The following YARS1 variants were observed in gnomAD, a reference collection of about 807,000 sequenced individuals.
YARS1 encodes the protein tyrosine--tRNA ligase, cytoplasmic.
In YARS1, 36 loss-of-function variants were observed where a neutral mutation model predicts 62.2. The ratio of observed to expected loss-of-function variants is 0.58; its 90% CI spans 0.44 to 0.76. The LOEUF (loss-of-function observed/expected upper bound fraction) is 0.76. Among genes scored for constraint, YARS1 ranks in the 30% least tolerant of loss-of-function variants. YARS1 has a pLI of 0.00. For synonymous variants in YARS1, 234 were observed against 244.9 expected (o/e 0.96, Z 0.42); for missense variants, 524 against 639.8 (o/e 0.82, Z 1.95).
chr1:32,787,136 A>T (rs1016706652), intron 6 of YARS1, 61 bp from the exon 7 acceptor site: 61 of 1,603,968 alleles, frequency 3.8e-5, no homozygotes, highest in Non-Finnish European at 3.7e-5. Context: ...TGCTCAACTA[A>T]TATAAGTTAA....
intron 1 of YARS1, chr1:32,811,368 G>T: frequency 2.4e-6 from 1 of 415,052 alleles, no homozygotes; most frequent in Non-Finnish European, 4.5e-6. Flanking sequence ...ATCAAAGAAC[G>T]CAAATAACTG....
At position 32,775,961 on chromosome 1, in the gene YARS1, G is replaced by A. The variant is rs781560790; in HGVS notation, c.*20C>T. ...GCAGATGACTCAGTGGTGGAAGAAG[G>A]GGGGAAGATGCTGGGCTGGCTAGCT... On this transcript the variant is annotated 3_prime_UTR_variant, in exon 13 of 13. Coordinates refer to ENST00000373477, the MANE Select transcript of YARS1 (RefSeq NM_003680.4). 5.0e-6 allele frequency: 8 copies of A among 1,591,934 alleles called. No homozygotes were observed. Among genetic ancestry groups the A allele is most frequent in the South Asian group, 1.1e-5 (1 of 90,580 alleles).
chr1:32,817,299 G>T lies in YARS1; in HGVS notation c.-55C>A. ...GCCCGGCACCAGAGCCCCTTCCTGG[G>T]TCACCGTCGCCGCCGCGTGCCGGGA... is the stretch of plus-strand genomic sequence containing the variant. On this transcript the variant is annotated 5_prime_UTR_variant, in exon 1 of 13. Transcript: ENST00000373477. 1.2e-6 allele frequency: 2 copies of T among 1,606,188 alleles called. No individual in the cohort carries two copies. The highest frequency in any genetic ancestry group is 1.7e-6 in the Non-Finnish European group (2 of 1,175,136).
At chr1:32,794,088 G>A (rs989114003) in intron 5 of YARS1, among the ~76,000 whole-genome samples, 2 of 152,186 alleles carry the variant, frequency 1.3e-5, no homozygotes, top group Admixed American at 6.5e-5. Context: ...AGTGGCTTAC[G>A]CCTGTAATCC....
In YARS1 at chr1:32,791,132, T is replaced by C. The variant is rs781211000; in HGVS notation, c.684+30A>G. On this transcript the variant is annotated intron_variant, in intron 6 of 12. Transcript: ENST00000373477. ...AATCTCTCCATTGAGGCTGAAGATT[T>C]CTAAATTCAAGTCTCAGCTGGCAAC... 1.9e-6 allele frequency: 3 copies of C among 1,588,808 alleles called. No homozygotes were observed. The East Asian group carries it at 6.7e-5, about 36-fold the overall frequency.
At chr1:32,817,085 G>T in intron 1 of YARS1, 103 bp downstream of exon 1, 2 of 1,450,862 alleles carry the variant, frequency 1.4e-6, no homozygotes, top group Non-Finnish European at 1.9e-6. Flanking sequence ...CGCCAGCGCC[G>T]AGTCCCCGGC....
At chr1:32,778,241 A>T (rs1163627276) in intron 12 of YARS1, among the ~76,000 whole-genome samples, 2 of 152,220 alleles carry the variant, frequency 1.3e-5, no homozygotes, top group East Asian at 3.9e-4. Context: ...TGACAGCTAT[A>T]TTATGGAATC....
chr1:32,781,013 A>G lies in YARS1; in HGVS notation c.1140+35T>C, dbSNP rs545997618. On this transcript the variant is annotated intron_variant, in intron 10 of 12. Coordinates refer to ENST00000373477, the MANE Select transcript of YARS1 (RefSeq NM_003680.4). ...ATGGAAACAGACAAACCTGACCCCAATCTGCCTCTCTGAGATGTGGTGAAA... is the reference window on the plus strand; with the variant it reads ...ATGGAAACAGACAAACCTGACCCCAGTCTGCCTCTCTGAGATGTGGTGAAA... 63 of 1,600,848 alleles carry G rather than the reference A, an allele frequency of 3.9e-5. 1 individual carries two copies. In the South Asian group the frequency reaches 5.2e-4, roughly 13 times the overall value.
At chr1:32,782,300 A>AC in intron 9 of YARS1, 104 bp downstream of exon 9, 4 of 1,586,730 alleles carry the variant, frequency 2.5e-6, no homozygotes, top group East Asian at 2.2e-5. Context: ...TGCACTTCAG[A>AC]CCCCCTGGGT....
In YARS1 at chr1:32,781,757, G is replaced by A. The variant is rs1380517190; in HGVS notation, c.1043-612C>T. On this transcript the variant is annotated intron_variant, in intron 9 of 12. Transcript: ENST00000373477. Reference sequence around the variant, plus strand: ...CAGGCTCTGCCCAACAGCTGTGTAAGAAACTATCGATACCCTATATACCGG... The same window carrying A: ...CAGGCTCTGCCCAACAGCTGTGTAAAAAACTATCGATACCCTATATACCGG... The A allele has an allele frequency of 1.2e-5, 2 of 164,512 alleles. 1 individual carries two copies. Among genetic ancestry groups the A allele is most frequent in the East Asian group, 3.6e-4 (2 of 5,612 alleles). The allele number at this position is 164,512 out of a possible 1,614,324, so 10.2% of individuals were successfully genotyped here. A position where few individuals can be genotyped will look rare whatever the true frequency, so the allele number is the denominator to read the frequency against.
chr1:32,813,473 C>A (rs558099632), intron 1 of YARS1, among the ~76,000 whole-genome samples: 1 of 152,264 alleles, frequency 6.6e-6, no homozygotes, highest in East Asian at 1.9e-4. Flanking sequence ...CGTCCAACAC[C>A]ATACTCAGCT....
chr1:32,811,094 G>A (rs1219579631), intron 1 of YARS1, 37 bp from the exon 2 acceptor site: 2 of 1,613,048 alleles, frequency 1.2e-6, no homozygotes, highest in African/African-American at 1.3e-5. Flanking sequence ...TAATGTCAGT[G>A]CCTCACCTTG....
intron 10 of YARS1, chr1:32,780,550 G>A: frequency 1.9e-6 from 1 of 517,508 alleles, no homozygotes; most frequent in Non-Finnish European, 3.5e-6. Flanking sequence ...TGATGCAGGA[G>A]CACCAGCATT....
intron 1 of YARS1, among the ~76,000 whole-genome samples, chr1:32,814,883 T>C (rs1638667154): frequency 6.6e-6 from 1 of 152,232 alleles, no homozygotes; most frequent in South Asian, 2.1e-4. Context: ...TTTGGGAGGC[T>C]GTCAGAAACC....
intron 4 of YARS1, among the ~76,000 whole-genome samples, chr1:32,802,224 G>A (rs1156338041): frequency 6.6e-6 from 1 of 152,134 alleles, no homozygotes; most frequent in Non-Finnish European, 1.5e-5. Flanking sequence ...TGGGATGACA[G>A]GCGTGAGCCA....
intron 9 of YARS1, 34 bp downstream of exon 9, chr1:32,782,370 C>G (rs781372085): frequency 6.2e-7 from 1 of 1,613,878 alleles, no homozygotes; most frequent in Admixed American, 1.7e-5. Flanking sequence ...GCTCTCTCTC[C>G]TGATGATGTC....
intron 1 of YARS1, among the ~76,000 whole-genome samples, chr1:32,813,561 C>G (rs1407750756): frequency 6.6e-6 from 1 of 152,194 alleles, no homozygotes; most frequent in African/African-American, 2.4e-5. Flanking sequence ...CTCAAATGAT[C>G]CACCTGCCTC....
intron 4 of YARS1, among the ~76,000 whole-genome samples, chr1:32,798,651 C>A (rs892015524): frequency 1.3e-5 from 2 of 151,886 alleles, no homozygotes; most frequent in Non-Finnish European, 1.5e-5. Flanking sequence ...AAATAAAAAA[C>A]AAACAAACAA....
At chr1:32,811,378 G>A (rs1638581862) in intron 1 of YARS1, 1 of 399,378 alleles carries the variant, frequency 2.5e-6, no homozygotes, top group Admixed American at 3.6e-5. Flanking sequence ...GCAAATAACT[G>A]ATAAGATATT....
Sources: gnomAD v4.1 joint callset for allele counts (sites outside exome capture counted in the v4.1 genomes callset) on GRCh38, gnomAD v4.1.1 for gene constraint, MANE v1.5 for transcripts, NCBI Gene and HGNC (gene_info 2026-07-23, HGNC 2026-07-21) for gene names.